BACH2: variants seen among roughly 807,000 people sequenced by gnomAD.
BACH2 encodes the protein BACH transcriptional regulator 2.
A neutral mutation model predicts 61.8 loss-of-function variants in BACH2; 5 were observed. That is an observed-to-expected ratio of 0.08 (90% confidence interval 0.04 to 0.17). BACH2 has a LOEUF of 0.17. Ranked by LOEUF, BACH2 falls within the 10% of genes least tolerant of loss-of-function variation. The pLI is 1.00. For missense variants in BACH2, 824 were observed against 1,091.1 expected (o/e 0.76, Z 3.45); for synonymous variants, 446 against 440.1 (o/e 1.01, Z -0.17).
chr6:89,972,241 G>A (rs1775403561), intron 6 of BACH2, among the ~76,000 whole-genome samples: 1 of 152,132 alleles, frequency 6.6e-6, no homozygotes, highest in Non-Finnish European at 1.5e-5. Flanking sequence ...GAGAGTATGA[G>A]GGAGACTCCT....
intron 2 of BACH2, among the ~76,000 whole-genome samples, chr6:90,265,683 T>G (rs1028274889): frequency 1.3e-5 from 2 of 152,202 alleles, no homozygotes; most frequent in Admixed American, 1.3e-4. Context: ...AAATCCTAAC[T>G]GCAAGGTAAG....
At position 90,201,382 on chromosome 6, in the gene BACH2, GA is replaced by G. The variant is rs543400593; in HGVS notation, c.-162+5186del. Among the ~76,000 whole-genome samples, 10 of 152,260 alleles carry G rather than the reference GA, an allele frequency of 6.6e-5. No homozygotes were observed. The South Asian group carries it at 1.9e-3, about 28-fold the overall frequency. On this transcript the variant is annotated intron_variant, in intron 4 of 8. Coordinates refer to ENST00000257749, the MANE Select transcript of BACH2 (RefSeq NM_021813.4). ...ACAAATCTTCATCAATTGTATAGGT[GA>G]AAAATACTATCTCATCATTTTAATT...
intron 4 of BACH2, among the ~76,000 whole-genome samples, chr6:90,104,014 AAG>A (rs1782791581): frequency 6.6e-6 from 1 of 152,230 alleles, no homozygotes; most frequent in African/African-American, 2.4e-5. Context: ...CAAAGTGGCA[AAG>A]AGGGGGCCAA....
At chr6:90,106,632 A>G (rs1054440144) in intron 4 of BACH2, among the ~76,000 whole-genome samples, 1 of 152,044 alleles carries the variant, frequency 6.6e-6, no homozygotes, top group Non-Finnish European at 1.5e-5. Context: ...TTAAGCAATG[A>G]ATGACTGTGC....
chr6:89,971,488 T>C (rs1313308243), intron 6 of BACH2, among the ~76,000 whole-genome samples: 5 of 152,280 alleles, frequency 3.3e-5, no homozygotes, highest in South Asian at 2.1e-4. Flanking sequence ...TTCTAGGCTA[T>C]TGGGACAGAG....
chr6:90,209,019 C>CA (rs1246636465), intron 3 of BACH2, among the ~76,000 whole-genome samples: 6 of 125,032 alleles, frequency 4.8e-5, no homozygotes, highest in African/African-American at 1.9e-4. Context: ...CATATGGACA[C>CA]AGGGAGGGGA....
intron 6 of BACH2, among the ~76,000 whole-genome samples, chr6:89,984,295 G>A (rs1224788229): frequency 6.6e-6 from 1 of 152,006 alleles, no homozygotes; most frequent in Non-Finnish European, 1.5e-5. Context: ...CACAAGAAAA[G>A]AGAAAAGGAG....
intron 4 of BACH2, among the ~76,000 whole-genome samples, chr6:90,119,727 T>C (rs1193479826): frequency 1.3e-5 from 2 of 152,176 alleles, no homozygotes; most frequent in Non-Finnish European, 2.9e-5. Flanking sequence ...ATATTTTAAA[T>C]AAAACAAATA....
intron 6 of BACH2, among the ~76,000 whole-genome samples, chr6:89,968,675 ATGC>A (rs1260572500): frequency 2.6e-5 from 4 of 152,238 alleles, no homozygotes; most frequent in Non-Finnish European, 5.9e-5. Flanking sequence ...ACTGTGCTGG[ATGC>A]TGAAGTGAAC....
At chr6:90,069,590 G>A (rs965548434) in intron 5 of BACH2, among the ~76,000 whole-genome samples, 6 of 152,042 alleles carry the variant, frequency 3.9e-5, no homozygotes, top group African/African-American at 1.2e-4. Context: ...AAATGTTAAC[G>A]TAGAAAAAAA....
chr6:89,950,245 G>A lies in BACH2; in HGVS notation c.1836+25C>T. On this transcript the variant is annotated intron_variant, in intron 7 of 8. Coordinates refer to ENST00000257749, the MANE Select transcript of BACH2 (RefSeq NM_021813.4). The surrounding 1 kb of genome is among the most constrained non-coding windows in gnomAD (Gnocchi z 5.3). Reference sequence around the variant, plus strand: ...AAAGGGCCTAGAGAGTGGGTCACATGCTTGAATTTATGTGGGTTCCCTACC... The same window carrying A: ...AAAGGGCCTAGAGAGTGGGTCACATACTTGAATTTATGTGGGTTCCCTACC... The A allele has an allele frequency of 3.1e-6, 5 of 1,613,834 alleles. No homozygotes were observed. Among genetic ancestry groups the A allele is most frequent in the Non-Finnish European group, 4.2e-6 (5 of 1,179,790 alleles).
At chr6:90,193,920 A>G (rs2127845504) in intron 4 of BACH2, among the ~76,000 whole-genome samples, 1 of 152,342 alleles carries the variant, frequency 6.6e-6, no homozygotes, top group South Asian at 2.1e-4. Context: ...ATTTACAGGA[A>G]GATATTTTGG....
chr6:90,247,492 G>A (rs1770677461), intron 3 of BACH2, among the ~76,000 whole-genome samples: 1 of 151,798 alleles, frequency 6.6e-6, no homozygotes, highest in African/African-American at 2.4e-5. Context: ...ATCTCCCAAA[G>A]TGCTGGAATT....
chr6:90,176,713 G>C (rs1767994507), intron 4 of BACH2, among the ~76,000 whole-genome samples: 1 of 152,050 alleles, frequency 6.6e-6, no homozygotes, highest in Non-Finnish European at 1.5e-5. Flanking sequence ...AATCAGTTTT[G>C]GTGACAGAGT....
At chr6:90,037,321 C>T (rs1174249898) in intron 5 of BACH2, among the ~76,000 whole-genome samples, 1 of 152,190 alleles carries the variant, frequency 6.6e-6, no homozygotes, top group East Asian at 1.9e-4. Context: ...AATATCATCG[C>T]TTTATGATGA....
At chr6:90,273,772 A>G (rs1402527843) in intron 1 of BACH2, among the ~76,000 whole-genome samples, 1 of 152,168 alleles carries the variant, frequency 6.6e-6, no homozygotes, top group Non-Finnish European at 1.5e-5. Context: ...TAAATTACTG[A>G]GTGTGGAGGG....
At chr6:90,235,226 T>G (rs151285957) in intron 3 of BACH2, among the ~76,000 whole-genome samples, 1 of 152,148 alleles carries the variant, frequency 6.6e-6, no homozygotes, top group Non-Finnish European at 1.5e-5. Context: ...AAAGGAAGAT[T>G]AGTGTGTGGT....
At chr6:90,277,008 T>G (rs1771716274) in intron 1 of BACH2, among the ~76,000 whole-genome samples, 1 of 152,220 alleles carries the variant, frequency 6.6e-6, no homozygotes, top group Non-Finnish European at 1.5e-5. Context: ...TCATAATGGC[T>G]GCCTTAGTAT....
intron 5 of BACH2, among the ~76,000 whole-genome samples, chr6:90,086,306 A>C (rs542777500): frequency 1.8e-4 from 28 of 152,268 alleles, no homozygotes; most frequent in Middle Eastern, 3.4e-3. Flanking sequence ...TTGTACACAC[A>C]TCTATCTGCT....
Sources: allele counts gnomAD v4.1 joint callset (sites outside exome capture counted in the v4.1 genomes callset), GRCh38; gene constraint gnomAD v4.1.1; non-coding constraint Gnocchi (gnomAD v3.1); transcripts MANE v1.5; gene names NCBI Gene and HGNC (gene_info 2026-07-23, HGNC 2026-07-21).